GSTM4: variants seen among roughly 807,000 people sequenced by gnomAD.
The protein encoded by GSTM4 is glutathione S-transferase mu 4, also known as GST class-mu 4.
Under a neutral mutation model 30.1 loss-of-function variants are expected in GSTM4, and 27 were observed. The observed-to-expected ratio is 0.90, with a 90% CI of 0.66 to 1.24. The LOEUF (loss-of-function observed/expected upper bound fraction) is 1.24. Among genes scored for constraint, GSTM4 ranks in the 50% most tolerant of loss-of-function variants. The pLI is 0.00. For missense variants in GSTM4, 238 were observed against 272.1 expected (o/e 0.87, Z 0.88); for synonymous variants, 94 against 96.2 (o/e 0.98, Z 0.13).
rs1445491886 is a variant in GSTM4, at chr1:109,657,640, C to A, written c.228C>A (p.Ile76=). The A allele has an allele frequency of 2.8e-5, 45 of 1,614,132 alleles. No homozygotes were observed. The East Asian group carries it at 1.0e-3, about 36-fold the overall frequency. ...GAHKITQSNA[I]LCYIARKHNL... Reference sequence around the variant, plus strand: ...ACAAGATCACCCAGAGCAACGCCATCCTGTGCTACATTGCCCGCAAGCACA... The same window carrying A: ...ACAAGATCACCCAGAGCAACGCCATACTGTGCTACATTGCCCGCAAGCACA... Residue 76 remains isoleucine (I), a synonymous_variant, in exon 4 of 8, where the codon ATC becomes ATA. Transcript: ENST00000369836.
rs142834408 is a variant in GSTM4 at position 109,658,490 on chromosome 1, C to G, written c.361-324C>G. 1.2e-3 allele frequency: 410 copies of G among 336,354 alleles called. 4 individuals are homozygous for G. Among genetic ancestry groups the G allele is most frequent in the Middle Eastern group, 8.0e-3 (9 of 1,128 alleles). 20.8% of individuals were successfully genotyped at this position (336,354 alleles called of 1,614,324 possible). A position where few individuals can be genotyped will look rare whatever the true frequency, so the allele number is the denominator to read the frequency against. On this transcript the variant is annotated intron_variant, in intron 5 of 7. Transcript: ENST00000369836. ...TCTGAGCTCCTTTAGTTCTTTGTAT[C>G]CTTGATTTTGCTCATGTCTGGGTCC...
At chr1:109,665,848 G>A (rs1450196089), downstream of GSTM4, among the ~76,000 whole-genome samples, 1 of 152,178 alleles carries the variant, frequency 6.6e-6, no homozygotes, top group African/African-American at 2.4e-5. Flanking sequence ...TTTTGGGTGA[G>A]GGTCTCTGGC....
At chr1:109,658,566 T>C (rs571676493) in intron 5 of GSTM4, 6 of 517,092 alleles carry the variant, frequency 1.2e-5, no homozygotes, top group Admixed American at 9.8e-5. Flanking sequence ...AGGAGGGTGG[T>C]TGGGAGGTCA....
At position 109,657,396 on chromosome 1, in the gene GSTM4, C is replaced by T. The variant is rs953267389; in HGVS notation, c.177+117C>T. 21 of 1,455,922 alleles carry T rather than the reference C, an allele frequency of 1.4e-5. No individual in the cohort carries two copies. The South Asian group carries it at 2.3e-4, about 16-fold the overall frequency. 90.2% of individuals were successfully genotyped at this position (1,455,922 alleles called of 1,614,324 possible). ...AGTCTTCTGCCCAATTCCTCTCACT[C>T]CTGGTTGTCTACACAGCCCCTGCAT... is the stretch of plus-strand genomic sequence containing the variant. On this transcript the variant is annotated intron_variant, in intron 3 of 7. Transcript: ENST00000369836.
chr1:109,658,687 C>A, intron 5 of GSTM4, 127 bp from the exon 6 acceptor site: 1 of 734,816 alleles, frequency 1.4e-6, no homozygotes, highest in Non-Finnish European at 2.5e-6. Flanking sequence ...CCAGCTGAAG[C>A]CAGTTCCAGC....
At chr1:109,659,173 T>G in intron 7 of GSTM4, 63 bp downstream of exon 7, 2 of 1,614,246 alleles carry the variant, frequency 1.2e-6, no homozygotes, top group Non-Finnish European at 8.5e-7. Flanking sequence ...TTCAGATGCT[T>G]TCCCAGTCCT....
At chr1:109,656,554 GTGT>G in intron 1 of GSTM4, 129 bp downstream of exon 1, 1 of 257,500 alleles carries the variant, frequency 3.9e-6, no homozygotes, top group Non-Finnish European at 9.0e-6. Context: ...GCATGCCTGT[GTGT>G]GTGTGTGTGT....
In GSTM4 at chr1:109,659,065, C is replaced by A; in HGVS notation, c.522C>A (p.Cys174Ter). The change falls in exon 7 of 8, where the codon TGC (cysteine) becomes TGA (stop). Residue 174 changes from cysteine (C) to a stop codon, truncating the protein, a stop_gained. Transcript: ENST00000369836. LOFTEE classifies it high-confidence loss of function. ...TCCACCGTATATTTGAGCCCAACTG[C>A]TTGGACGCCTTTCCAAATCTGAAGG... ...LDLHRIFEPN[C>*]LDAFPNLKDF... The A allele has an allele frequency of 6.2e-7, 1 of 1,614,234 alleles. No individual in the cohort carries two copies. The highest frequency in any genetic ancestry group is 8.5e-7 in the Non-Finnish European group (1 of 1,180,044).
In GSTM4 at chr1:109,661,551, C is replaced by T. The variant is rs981122846; in HGVS notation, c.*297C>T. ...TCCTTCCTGTTAGTGGTTGTATCTG[C>T]TTTGAAGGGCCTACCTGGCCCCTCG... On this transcript the variant is annotated 3_prime_UTR_variant, in exon 8 of 8. Transcript: ENST00000369836. The T allele has an allele frequency of 7.7e-7, 1 of 1,302,388 alleles. No individual in the cohort carries two copies. The highest frequency in any genetic ancestry group is 1.5e-5 in the African/African-American group (1 of 67,410). 80.7% of individuals were successfully genotyped at this position (1,302,388 alleles called of 1,614,324 possible).
chr1:109,658,799 T>G lies in GSTM4; in HGVS notation c.361-15T>G. Reference sequence around the variant, plus strand: ...GCTTGTGTCTGAGGGTGGTGACAGCTGTTTTCTGCCTCAGGAGAAACTGAA... The same window carrying G: ...GCTTGTGTCTGAGGGTGGTGACAGCGGTTTTCTGCCTCAGGAGAAACTGAA... On this transcript the variant is annotated splice_polypyrimidine_tract_variant and intron_variant, in intron 5 of 7. Coordinates refer to ENST00000369836, the MANE Select transcript of GSTM4 (RefSeq NM_000850.5). 6.3e-7 allele frequency: 1 copy of G among 1,590,438 alleles called. No individual in the cohort carries two copies. Among genetic ancestry groups the G allele is most frequent in the Non-Finnish European group, 8.6e-7 (1 of 1,158,550 alleles).
chr1:109,659,675 C>T (rs1474136844), intron 7 of GSTM4: 4 of 359,704 alleles, frequency 1.1e-5, no homozygotes, highest in East Asian at 7.7e-5. Flanking sequence ...GAGCTGTGGC[C>T]AGAGCTGGAT....
downstream of GSTM4, chr1:109,665,368 G>T: frequency 3.0e-6 from 1 of 334,550 alleles, no homozygotes. Flanking sequence ...GCCTCTGAAT[G>T]ATACCACTGG....
rs570970175 is a variant in GSTM4, at chr1:109,657,278, A to T, written c.176A>T (p.Asn59Ile). 9.9e-6 allele frequency: 16 copies of T among 1,612,342 alleles called. No individual in the cohort carries two copies. Among genetic ancestry groups the T allele is most frequent in the Non-Finnish European group, 1.4e-5 (16 of 1,179,788 alleles). Residue 59 changes from asparagine to isoleucine, a missense_variant and splice_region_variant, in exon 3 of 8, where the codon AAT (asparagine) becomes ATT (isoleucine). Physicochemically the swap from Asn to Ile is moderately radical, Grantham distance 149. Transcript: ENST00000369836. Reference protein sequence around the residue: ...EKFKLGLDFPNLPYLIDGAHK... With the variant: ...EKFKLGLDFPILPYLIDGAHK... ...TTCAAGCTGGGCCTGGACTTTCCCA[A>T]TGTAGGTGCAGGGGAAGGGGCGGTT...
downstream of GSTM4, among the ~76,000 whole-genome samples, chr1:109,662,627 C>T (rs1240423025): frequency 6.6e-6 from 1 of 152,140 alleles, no homozygotes; most frequent in Non-Finnish European, 1.5e-5. Context: ...AAATGAATAT[C>T]CAAATTGCCA....
At position 109,656,799 on chromosome 1, in the gene GSTM4, C is replaced by T. The variant is rs750220837; in HGVS notation, c.112+12C>T. ...TACGATGGGGGACGGTAATGACACC[C>T]TTGTGTCCGGGCTCTGCCCACTCAC... On this transcript the variant is annotated intron_variant, in intron 2 of 7. Transcript: ENST00000369836. The T allele has an allele frequency of 2.5e-6, 4 of 1,611,964 alleles. No homozygotes were observed. In the South Asian group the frequency reaches 3.3e-5, roughly 13 times the overall value.
intron 1 of GSTM4, 104 bp from the exon 2 acceptor site, chr1:109,656,608 G>GC (rs60764138): frequency 1.3e-6 from 1 of 748,548 alleles, no homozygotes; most frequent in African/African-American, 2.0e-5. Context: ...CGGGGTGGGG[G>GC]GGGGGTGCAG....
downstream of GSTM4, among the ~76,000 whole-genome samples, chr1:109,666,757 A>T (rs1376152290): frequency 3.3e-5 from 5 of 151,454 alleles, no homozygotes; most frequent in Non-Finnish European, 2.9e-5. Context: ...ACGGAGTCTT[A>T]CTCTGTCGCT....
chr1:109,661,231 G>A lies in GSTM4; in HGVS notation c.634G>A (p.Val212Met), dbSNP rs149370166. ...RFLPKPLYTR[V>M]AVWGNK ...CCTCCCAAAACCTCTGTACACAAGG[G>A]TGGCTGTCTGGGGCAACAAGTAATG... The change falls in exon 8 of 8, where the codon GTG becomes ATG. Residue 212 changes from valine (V) to methionine (M), a missense_variant. By Grantham distance (21) the Val-to-Met change is conservative (BLOSUM62 1). Coordinates refer to ENST00000369836, the MANE Select transcript of GSTM4 (RefSeq NM_000850.5). 2.9e-4 allele frequency: 463 copies of A among 1,610,126 alleles called. 44 individuals carry two copies. In the African/African-American group the frequency reaches 5.4e-3, roughly 19 times the overall value.
intron 5 of GSTM4, 121 bp from the exon 6 acceptor site, chr1:109,658,693 C>T: frequency 1.3e-6 from 1 of 748,178 alleles, no homozygotes; most frequent in South Asian, 1.5e-5. Context: ...GAAGCCAGTT[C>T]CAGCTGTGGG....
Sources: gnomAD v4.1 joint callset for allele counts (sites outside exome capture counted in the v4.1 genomes callset) on GRCh38, gnomAD v4.1.1 for gene constraint, MANE v1.5 for transcripts, NCBI Gene and HGNC (gene_info 2026-07-23, HGNC 2026-07-21) for gene names.